BLTP1: variants seen among roughly 807,000 people sequenced by gnomAD.
BLTP1 encodes bridge-like lipid transfer protein family member 1.
the BLTP1 span, chr4:122,206,007 T>C: frequency 1.0e-6 from 1 of 984,606 alleles, no homozygotes; most frequent in Non-Finnish European, 1.2e-6. Flanking sequence ...TGCTAATGTC[T>C]TTAAAGAGCT....
chr4:122,163,963 C>G, the BLTP1 span, among the ~76,000 whole-genome samples: 2 of 152,122 alleles, frequency 1.3e-5, no homozygotes. Flanking sequence ...GTAGTTGTCT[C>G]CGCCCCTCCC....
the BLTP1 span, chr4:122,179,926 C>T: frequency 5.5e-5 from 54 of 985,166 alleles, no homozygotes; most frequent in Non-Finnish European, 6.5e-5. Context: ...TCAATGGAGG[C>T]ATATCCCCAG....
At chr4:122,292,640 T>A in the BLTP1 span, 1 of 912,100 alleles carries the variant, frequency 1.1e-6, no homozygotes, top group Non-Finnish European at 1.3e-6. Flanking sequence ...AAGAATCTGC[T>A]TTTAACCAAG....
the BLTP1 span, among the ~76,000 whole-genome samples, chr4:122,171,091 T>C: frequency 5.9e-5 from 9 of 152,166 alleles, no homozygotes; most frequent in African/African-American, 2.2e-4. Flanking sequence ...TCCTCAAATA[T>C]AATTTTACTG....
the BLTP1 span, chr4:122,243,944 C>T: frequency 6.2e-7 from 1 of 1,610,670 alleles, no homozygotes; most frequent in African/African-American, 1.3e-5. Context: ...AACCAGTGTC[C>T]CAGACCAGGA....
chr4:122,225,703 TA>T, the BLTP1 span: 2 of 152,148 alleles, frequency 1.3e-5, no homozygotes, highest in Non-Finnish European at 2.9e-5. Context: ...ATGATATTTA[TA>T]AAAATATGTG....
At chr4:122,309,328 C>G in the BLTP1 span, 1 of 1,613,428 alleles carries the variant, frequency 6.2e-7, no homozygotes, top group Non-Finnish European at 8.5e-7. Flanking sequence ...AAAGTACTCT[C>G]ATCACTGCAT....
the BLTP1 span, chr4:122,246,413 A>G: frequency 3.8e-5 from 42 of 1,112,776 alleles, no homozygotes; most frequent in Admixed American, 6.2e-5. Flanking sequence ...TATTAAAAAA[A>G]TATGTTTTAT....
chr4:122,267,051 ATTTTTTTTTTTT>A, the BLTP1 span: 10 of 148,924 alleles, frequency 6.7e-5, 1 homozygote, highest in South Asian at 4.7e-4. Flanking sequence ...TAAGGAAGTA[ATTTTTTTTTTTT>A]TTTTTTTTTT....
At chr4:122,291,234 G>A in the BLTP1 span, among the ~76,000 whole-genome samples, 3 of 152,282 alleles carry the variant, frequency 2.0e-5, no homozygotes, top group Non-Finnish European at 4.4e-5. Flanking sequence ...TGACTTTAGC[G>A]ACAGCCATGA....
chr4:122,292,652 G>A, the BLTP1 span: 1 of 877,150 alleles, frequency 1.1e-6, no homozygotes, highest in Non-Finnish European at 1.4e-6. Flanking sequence ...TTAACCAAGT[G>A]AAAAGGATAA....
At chr4:122,211,218 A>C in the BLTP1 span, 2 of 838,142 alleles carry the variant, frequency 2.4e-6, no homozygotes, top group Non-Finnish European at 1.8e-6. Context: ...GATATACCAG[A>C]TATGTTGACT....
chr4:122,305,043 A>T, the BLTP1 span: 8 of 1,445,682 alleles, frequency 5.5e-6, no homozygotes, highest in Admixed American at 1.8e-4. Flanking sequence ...CATCAATTTT[A>T]ACTACTGTAA....
chr4:122,216,070 T>C, the BLTP1 span, among the ~76,000 whole-genome samples: 2 of 150,898 alleles, frequency 1.3e-5, no homozygotes, highest in African/African-American at 4.9e-5. Flanking sequence ...TGTGTGTGTG[T>C]ATCTATCTTT....
At chr4:122,256,939 T>G in the BLTP1 span, 1 of 174,102 alleles carries the variant, frequency 5.7e-6, no homozygotes, top group Non-Finnish European at 1.1e-5. Flanking sequence ...GCAAAATAAG[T>G]AAAGTTGATT....
the BLTP1 span, chr4:122,175,773 C>A: frequency 1.0e-6 from 1 of 974,416 alleles, no homozygotes; most frequent in Non-Finnish European, 1.6e-6. Context: ...TATCAATTGG[C>A]TTCCTTTTGG....
the BLTP1 span, chr4:122,301,262 T>A: frequency 1.0e-4 from 139 of 1,344,462 alleles, no homozygotes; most frequent in East Asian, 1.3e-3. Context: ...TTTTTTTCTT[T>A]AAAAAAAAAA....
At chr4:122,324,403 C>T in the BLTP1 span, 1 of 1,604,026 alleles carries the variant, frequency 6.2e-7, no homozygotes, top group Non-Finnish European at 8.5e-7. Context: ...TATAGTCACC[C>T]TTTTTTCTCT....
At chr4:122,181,421 A>G in the BLTP1 span, 1 of 153,662 alleles carries the variant, frequency 6.5e-6, no homozygotes, top group African/African-American at 2.4e-5. Flanking sequence ...CTGAATGCAC[A>G]TCTGTCTATT....
Sources: gnomAD v4.1 joint callset for allele counts (sites outside exome capture counted in the v4.1 genomes callset) on GRCh38, gnomAD v4.1.1 for gene constraint, MANE v1.5 for transcripts, NCBI Gene and HGNC (gene_info 2026-07-23, HGNC 2026-07-21) for gene names.